Variants in DNAH9 observed in about 807,000 individuals in gnomAD.
DNAH9 encodes dynein axonemal heavy chain 9.
In DNAH9, 345 loss-of-function variants were observed where a neutral mutation model predicts 471.6. That is an observed-to-expected ratio of 0.73 (90% confidence interval 0.67 to 0.80). The LOEUF is 0.80. Ranked by LOEUF, DNAH9 falls within the 30% of genes least tolerant of loss-of-function variation. The pLI is 0.00. For synonymous variants in DNAH9, 2,093 were observed against 2,123.6 expected, an observed-to-expected ratio of 0.99 and a Z score of 0.40; for missense variants, 5,407 against 5,609.2, an observed-to-expected ratio of 0.96 and a Z score of 1.15.
chr17:11,621,836 CT>C (rs2072874277), intron 6 of DNAH9, among the ~76,000 whole-genome samples: 1 of 152,074 alleles, frequency 6.6e-6, no homozygotes, highest in African/African-American at 2.4e-5. Flanking sequence ...AATCCCAGCA[CT>C]TTAGGAGGCC....
chr17:11,621,407 C>CAAAAAAAA (rs34933930), intron 6 of DNAH9, among the ~76,000 whole-genome samples: 1 of 72,624 alleles, frequency 1.4e-5, no homozygotes, highest in Non-Finnish European at 2.6e-5. Flanking sequence ...GACTCCATCT[C>CAAAAAAAA]AAAAAAAAAA....
At chr17:11,823,836 A>G (rs1005940466) in intron 48 of DNAH9, among the ~76,000 whole-genome samples, 13 of 152,064 alleles carry the variant, frequency 8.5e-5, no homozygotes, top group African/African-American at 2.4e-4. Flanking sequence ...AGGCTGAGGC[A>G]GGAAAATCAC....
chr17:11,768,638 T>C lies in DNAH9; in HGVS notation c.7344+12T>C. 1.2e-6 allele frequency: 2 copies of C among 1,612,602 alleles called. No individual in the cohort carries two copies. Among genetic ancestry groups the C allele is most frequent in the Non-Finnish European group, 1.7e-6 (2 of 1,178,960 alleles). On this transcript the variant is annotated intron_variant, in intron 37 of 68. Transcript: ENST00000262442. ...AGATGCCCTTGCAGGTGAGTGCAGC[T>C]GAGCAGCCGAGGACGTGCGTGCAGT...
intron 65 of DNAH9, among the ~76,000 whole-genome samples, chr17:11,934,532 G>A (rs1322276816): frequency 2.2e-5 from 3 of 137,156 alleles, no homozygotes; most frequent in Non-Finnish European, 4.6e-5. Flanking sequence ...TGCAAGCTCC[G>A]CCTCCCGGGT....
intron 68 of DNAH9, among the ~76,000 whole-genome samples, chr17:11,968,981 TAC>T (rs1976970556): frequency 1.3e-5 from 2 of 152,196 alleles, no homozygotes; most frequent in African/African-American, 4.8e-5. Flanking sequence ...CTGGCAAATA[TAC>T]ACATTCGATA....
At chr17:11,769,378 C>A in intron 38 of DNAH9, 49 bp downstream of exon 38, 3 of 1,517,502 alleles carry the variant, frequency 2.0e-6, no homozygotes, top group East Asian at 4.8e-5. Context: ...GTGGCCGTGT[C>A]ACCTGACACA....
chr17:11,865,948 C>A (rs1310609587), intron 50 of DNAH9, among the ~76,000 whole-genome samples: 1 of 152,148 alleles, frequency 6.6e-6, no homozygotes. Context: ...TTTTTAACTT[C>A]TTTGCCTTTG....
intron 53 of DNAH9, among the ~76,000 whole-genome samples, chr17:11,876,892 T>G (rs148078592): frequency 0.013 from 2,025 of 151,630 alleles, 23 homozygotes; most frequent in South Asian, 0.038. Flanking sequence ...CCCGGCTAAC[T>G]TTTTTTTGTA....
chr17:11,722,527 C>T (rs374930808), intron 27 of DNAH9, among the ~76,000 whole-genome samples: 23 of 152,188 alleles, frequency 1.5e-4, no homozygotes, highest in African/African-American at 4.6e-4. Context: ...AGTGATATCT[C>T]GGGAATATGG....
chr17:11,809,698 G>T (rs1219534709), intron 44 of DNAH9, among the ~76,000 whole-genome samples: 2 of 152,118 alleles, frequency 1.3e-5, no homozygotes, highest in Non-Finnish European at 2.9e-5. Context: ...TCAGGAGCAG[G>T]TCATTCAGTT....
At chr17:11,713,274 G>A (rs113557583) in intron 26 of DNAH9, among the ~76,000 whole-genome samples, 4 of 152,118 alleles carry the variant, frequency 2.6e-5, no homozygotes, top group Non-Finnish European at 4.4e-5. Context: ...CGGTGTATAC[G>A]TACCGTATTT....
rs1035083144 is a variant in DNAH9 at position 11,937,770 on chromosome 17, C to T, written c.12660+248C>T. Among the ~76,000 whole-genome samples, 9 of 152,190 alleles carry T rather than the reference C, an allele frequency of 5.9e-5. No homozygotes were observed. The highest frequency in any genetic ancestry group is 3.2e-3 in the Middle Eastern group (1 of 316). Reference sequence around the variant, plus strand: ...GGGTTCAGCAGTTTTCTTTGCCAGTCCACCCAAAGTCCATTTTTATTCAGC... The same window carrying T: ...GGGTTCAGCAGTTTTCTTTGCCAGTTCACCCAAAGTCCATTTTTATTCAGC... On this transcript the variant is annotated intron_variant, in intron 66 of 68. Transcript: ENST00000262442. This position sits in a 1 kb window ranked among gnomAD's most constrained non-coding sequence, Gnocchi z 4.1.
intron 67 of DNAH9, among the ~76,000 whole-genome samples, chr17:11,947,964 A>G (rs1975200400): frequency 6.6e-6 from 1 of 151,270 alleles, no homozygotes; most frequent in Non-Finnish European, 1.5e-5. Flanking sequence ...ACGGGGTTTC[A>G]CCTTATTGAC....
At chr17:11,741,180 G>A (rs2075428193) in intron 29 of DNAH9, among the ~76,000 whole-genome samples, 1 of 152,026 alleles carries the variant, frequency 6.6e-6, no homozygotes, top group Non-Finnish European at 1.5e-5. Context: ...AAATGTTTTT[G>A]AAAATTTCAT....
At chr17:11,610,133 A>G (rs1175472935) in intron 2 of DNAH9, among the ~76,000 whole-genome samples, 1 of 152,180 alleles carries the variant, frequency 6.6e-6, no homozygotes. Flanking sequence ...AGTCTTCAGG[A>G]TATTGATGAG....
rs533865080 is a variant in DNAH9 at position 11,802,135 on chromosome 17, C to T, written c.8420+4342C>T. 2.0e-4 allele frequency among the ~76,000 whole-genome samples: 31 copies of T among 152,336 alleles called. 1 individual carries two copies. The highest frequency in any genetic ancestry group is 2.9e-4 in the Non-Finnish European group (20 of 68,032). On this transcript the variant is annotated intron_variant, in intron 43 of 68. Coordinates refer to ENST00000262442, the MANE Select transcript of DNAH9 (RefSeq NM_001372.4). ...TACTTTATCCTCGCTCTGCCATTCC[C>T]TCCCTTCCCTGGGGCTCATGGACCT...
rs780041151 is a variant in DNAH9, at chr17:11,872,260, A to G, written c.10242+474A>G. Among the ~76,000 whole-genome samples the G allele has an allele frequency of 2.0e-5, 3 of 152,042 alleles. No individual in the cohort carries two copies. In the South Asian group the frequency reaches 6.2e-4, roughly 32 times the overall value. ...TATCCTTCGTCGGCTTCCGTCCTGCATAATCCCATGAACAGCTGCTCACAT... is the reference window on the plus strand; with the variant it reads ...TATCCTTCGTCGGCTTCCGTCCTGCGTAATCCCATGAACAGCTGCTCACAT... On this transcript the variant is annotated intron_variant, in intron 52 of 68. Coordinates refer to ENST00000262442, the MANE Select transcript of DNAH9 (RefSeq NM_001372.4).
intron 62 of DNAH9, among the ~76,000 whole-genome samples, chr17:11,928,122 T>TATTC (rs58807774): frequency 0.17 from 22,925 of 133,306 alleles, 1,846 homozygotes; most frequent in Middle Eastern, 0.21. Context: ...TTTATTTATT[T>TATTC]ATTCATTCAT....
chr17:11,851,828 T>C (rs1971431042), intron 49 of DNAH9, among the ~76,000 whole-genome samples: 1 of 141,802 alleles, frequency 7.1e-6, no homozygotes, highest in Non-Finnish European at 1.5e-5. Context: ...GATTAATTTA[T>C]AGATATATAT....
Sources: gnomAD v4.1 joint callset for allele counts (sites outside exome capture counted in the v4.1 genomes callset) on GRCh38, gnomAD v4.1.1 for gene constraint, Gnocchi (gnomAD v3.1) non-coding constraint, MANE v1.5 for transcripts, NCBI Gene and HGNC (gene_info 2026-07-23, HGNC 2026-07-21) for gene names.